THRB: variants seen among roughly 807,000 people sequenced by gnomAD.
THRB encodes nuclear receptor subfamily 1 group A member 2.
THRB carries 12 observed loss-of-function variants against 47.8 expected under a neutral mutation model. The observed-to-expected ratio is 0.25, with a 90% CI of 0.16 to 0.41. The LOEUF is 0.41. THRB is among the 10% of genes least tolerant of loss of function. The pLI is 1.00. For missense variants in THRB, 348 were observed against 589.2 expected (o/e 0.59, Z 4.24); for synonymous variants, 218 against 212.2 (o/e 1.03, Z -0.24).
intron 1 of THRB, among the ~76,000 whole-genome samples, chr3:24,433,395 C>A (rs552687012): frequency 1.5e-4 from 23 of 152,128 alleles, no homozygotes; most frequent in Non-Finnish European, 2.9e-4. Flanking sequence ...ATGATGGAAG[C>A]ATAGATTAGA....
intron 1 of THRB, chr3:24,431,122 A>G (rs541255573): frequency 3.3e-5 from 5 of 152,210 alleles, no homozygotes; most frequent in African/African-American, 1.2e-4. Flanking sequence ...TGGCTGTCAA[A>G]TAAAGTTTAT....
At chr3:24,345,115 C>T (rs1577004874) in intron 1 of THRB, among the ~76,000 whole-genome samples, 1 of 152,150 alleles carries the variant, frequency 6.6e-6, no homozygotes, top group Admixed American at 6.6e-5. Context: ...TCCCTCTCAA[C>T]ACATCTCTTC....
chr3:24,219,878 C>T (rs1157047048), intron 4 of THRB, among the ~76,000 whole-genome samples: 1 of 152,160 alleles, frequency 6.6e-6, no homozygotes, highest in African/African-American at 2.4e-5. Flanking sequence ...GATCCCACCA[C>T]CAAGTTTGAG....
chr3:24,479,205 G>A (rs191863039), intron 1 of THRB, among the ~76,000 whole-genome samples: 1,604 of 152,322 alleles, frequency 0.011, 19 homozygotes, highest in Non-Finnish European at 0.018. Context: ...GGGAGGCTGA[G>A]GCAGGAGAAT....
chr3:24,208,922 A>G (rs1483054523), intron 4 of THRB, among the ~76,000 whole-genome samples: 1 of 152,248 alleles, frequency 6.6e-6, no homozygotes, highest in Admixed American at 6.5e-5. Flanking sequence ...GGAATGGTAG[A>G]AAATTTTTGC....
intron 3 of THRB, among the ~76,000 whole-genome samples, chr3:24,276,871 A>T (rs2053970796): frequency 6.6e-6 from 1 of 152,260 alleles, no homozygotes; most frequent in Non-Finnish European, 1.5e-5. Flanking sequence ...AAAGATTCGT[A>T]ATCAACTACA....
chr3:24,280,693 A>C (rs1332644395), intron 3 of THRB, among the ~76,000 whole-genome samples: 6 of 152,168 alleles, frequency 3.9e-5, no homozygotes, highest in Non-Finnish European at 7.3e-5. Flanking sequence ...CTTTGAAAAA[A>C]ACTTAGAAGA....
At chr3:24,131,223 C>G (rs2033815954) in intron 9 of THRB, among the ~76,000 whole-genome samples, 1 of 152,084 alleles carries the variant, frequency 6.6e-6, no homozygotes, top group Non-Finnish European at 1.5e-5. Flanking sequence ...TGTGCACACA[C>G]ACAAATATTT....
At chr3:24,390,205 G>A (rs1007124305) in intron 1 of THRB, among the ~76,000 whole-genome samples, 4 of 152,074 alleles carry the variant, frequency 2.6e-5, no homozygotes, top group Admixed American at 1.3e-4. Context: ...AGAATGCTAG[G>A]CACTTTATAA....
At chr3:24,273,849 T>C (rs1340761540) in intron 3 of THRB, among the ~76,000 whole-genome samples, 1 of 152,078 alleles carries the variant, frequency 6.6e-6, no homozygotes, top group Non-Finnish European at 1.5e-5. Context: ...GGCAAGGATT[T>C]TGGATAAGGA....
chr3:24,214,934 G>T (rs557283543), intron 4 of THRB, among the ~76,000 whole-genome samples: 1 of 152,138 alleles, frequency 6.6e-6, no homozygotes, highest in African/African-American at 2.4e-5. Context: ...ATCCTTCATA[G>T]ACATAAATAT....
intron 3 of THRB, among the ~76,000 whole-genome samples, chr3:24,270,130 A>G (rs1439403510): frequency 3.9e-5 from 6 of 152,226 alleles, no homozygotes; most frequent in African/African-American, 1.4e-4. Context: ...TATGCAAAAT[A>G]AATTTTAAAA....
intron 1 of THRB, among the ~76,000 whole-genome samples, chr3:24,475,342 A>T (rs1695288057): frequency 6.6e-6 from 1 of 152,186 alleles, no homozygotes; most frequent in East Asian, 1.9e-4. Context: ...CTTATTTAGA[A>T]ATAAATAAAT....
At chr3:24,251,582 T>C (rs539096772) in intron 3 of THRB, among the ~76,000 whole-genome samples, 10 of 152,200 alleles carry the variant, frequency 6.6e-5, no homozygotes, top group Non-Finnish European at 1.5e-4. Flanking sequence ...ACATTCAAAA[T>C]CTTGATGAAT....
At chr3:24,143,812 C>T (rs1173336666) in intron 7 of THRB, 106 bp from the exon 8 acceptor site, 3 of 1,187,734 alleles carry the variant, frequency 2.5e-6, no homozygotes, top group Admixed American at 1.8e-5. Flanking sequence ...GCACAGATGG[C>T]TTACTGGGTC....
chr3:24,291,099 G>C (rs372141552), intron 3 of THRB, among the ~76,000 whole-genome samples: 2 of 152,000 alleles, frequency 1.3e-5, no homozygotes, highest in Admixed American at 6.6e-5. Context: ...ACCTGAGAGC[G>C]TTACCCAAAA....
At chr3:24,243,765 C>T (rs75259217) in intron 3 of THRB, among the ~76,000 whole-genome samples, 3,579 of 151,996 alleles carry the variant, frequency 0.024, 51 homozygotes, top group African/African-American at 0.041. Flanking sequence ...GTCAGCTTTA[C>T]GGGGACAGGG....
At chr3:24,479,886 T>G (rs1480269745) in intron 1 of THRB, among the ~76,000 whole-genome samples, 1 of 152,120 alleles carries the variant, frequency 6.6e-6, no homozygotes, top group Non-Finnish European at 1.5e-5. Context: ...GCTGCCCAAG[T>G]GATAGTCCTG....
chr3:24,198,189 A>G lies in THRB; in HGVS notation c.23-7855T>C, dbSNP rs536398464. ...CAGGAACTCTGCCCCAGCTGATGCCATGAGACTTGTAAATTTGGAATATTC... is the reference window on the plus strand; with the variant it reads ...CAGGAACTCTGCCCCAGCTGATGCCGTGAGACTTGTAAATTTGGAATATTC... On this transcript the variant is annotated intron_variant, in intron 4 of 10. Transcript: ENST00000646209. Among the ~76,000 whole-genome samples, 214 of 152,326 alleles carry G rather than the reference A, an allele frequency of 1.4e-3. 2 individuals carry two copies. The highest frequency in any genetic ancestry group is 1.3e-3 in the Non-Finnish European group (87 of 68,012).
Sources: allele counts gnomAD v4.1 joint callset (sites outside exome capture counted in the v4.1 genomes callset), GRCh38; gene constraint gnomAD v4.1.1; transcripts MANE v1.5; gene names NCBI Gene and HGNC (gene_info 2026-07-23, HGNC 2026-07-21).